The following ATXN7L1 variants were observed in gnomAD, a reference collection of about 807,000 sequenced individuals.
ATXN7L1 encodes ataxin-7-like protein 1.
Under a neutral mutation model 70.8 loss-of-function variants are expected in ATXN7L1, and 15 were observed. The observed-to-expected ratio is 0.21, with a 90% confidence interval of 0.14 to 0.33. The LOEUF is 0.33. ATXN7L1 is among the 10% of genes least tolerant of loss of function. The pLI is 1.00. For synonymous variants in ATXN7L1, 440 were observed against 445.1 expected (o/e 0.99, Z 0.14); for missense variants, 975 against 1,097.1 (o/e 0.89, Z 1.57).
chr7:105,607,870 C>A lies in ATXN7L1; in HGVS notation c.2568G>T (p.Arg856Ser). Reference protein sequence around the residue: ...HSRQNTNRTGRIRTLP With the variant: ...HSRQNTNRTGSIRTLP ...AGTCTTGTTATGGAAGAGTCCTTAT[C>A]CTGCCCGTTCTGTTTGTGTTCTTCT... The change falls in exon 12 of 12, where the codon AGG (arginine) becomes AGT (serine). Residue 856 changes from arginine to serine, a missense_variant. Coordinates refer to ENST00000419735, the MANE Select transcript of ATXN7L1 (RefSeq NM_020725.2). The A allele has an allele frequency of 6.4e-7, 1 of 1,552,026 alleles. No homozygotes were observed. Among genetic ancestry groups the A allele is most frequent in the Non-Finnish European group, 8.7e-7 (1 of 1,147,030 alleles).
At chr7:105,613,547 A>C in intron 10 of ATXN7L1, 1 of 1,277,932 alleles carries the variant, frequency 7.8e-7, no homozygotes, top group Non-Finnish European at 1.0e-6. Flanking sequence ...GGAGTGGGGA[A>C]CTCAGAATCT....
rs543411759 is a variant in ATXN7L1, at chr7:105,731,431, C to G, written c.355+57173G>C. On this transcript the variant is annotated intron_variant, in intron 3 of 11. Transcript: ENST00000419735. ...TACCCTTAACCTACATTACTTCTTA[C>G]TCCTTTTTTTTTTTTTTTTTGAGAT... Among the ~76,000 whole-genome samples, 18 of 144,348 alleles carry G rather than the reference C, an allele frequency of 1.2e-4. No individual in the cohort carries two copies. In the East Asian group the frequency reaches 3.9e-3, roughly 31 times the overall value. The allele number at this position is 144,348 out of a possible 152,430, so 94.7% of individuals were successfully genotyped here.
At chr7:105,723,876 T>C (rs1338008072) in intron 3 of ATXN7L1, among the ~76,000 whole-genome samples, 1 of 152,206 alleles carries the variant, frequency 6.6e-6, no homozygotes, top group Admixed American at 6.5e-5. Context: ...GACACTCTAC[T>C]GGTACTTGAC....
intron 2 of ATXN7L1, among the ~76,000 whole-genome samples, chr7:105,804,881 T>A (rs1468069888): frequency 6.6e-6 from 1 of 152,194 alleles, no homozygotes; most frequent in Non-Finnish European, 1.5e-5. Context: ...CTGCTGGATC[T>A]TAACTCTTAG....
intron 4 of ATXN7L1, among the ~76,000 whole-genome samples, chr7:105,651,314 C>A (rs996249131): frequency 2.0e-5 from 3 of 152,120 alleles, no homozygotes; most frequent in Admixed American, 1.3e-4. Context: ...TAGTAGATAC[C>A]AAGTGCTTAG....
chr7:105,761,166 G>C (rs1800481273), intron 3 of ATXN7L1: 4 of 1,274,844 alleles, frequency 3.1e-6, no homozygotes, highest in Non-Finnish European at 3.0e-6. Flanking sequence ...TGAAAATGAA[G>C]AGAAGAACCC....
At chr7:105,724,750 A>G (rs1161759022) in intron 3 of ATXN7L1, among the ~76,000 whole-genome samples, 2 of 148,710 alleles carry the variant, frequency 1.3e-5, no homozygotes, top group Admixed American at 6.7e-5. Flanking sequence ...ATCACTGTCA[A>G]TCTTCGGCTT....
At chr7:105,830,311 C>G (rs1242113591) in intron 2 of ATXN7L1, among the ~76,000 whole-genome samples, 1 of 152,270 alleles carries the variant, frequency 6.6e-6, no homozygotes, top group Non-Finnish European at 1.5e-5. Context: ...TTAAGATTTT[C>G]TTTGGAAAAT....
chr7:105,797,442 G>A (rs921922159), intron 2 of ATXN7L1, among the ~76,000 whole-genome samples: 1 of 152,202 alleles, frequency 6.6e-6, no homozygotes, highest in South Asian at 2.1e-4. Flanking sequence ...GTATGGAGGC[G>A]AAGGGGCTGC....
intron 3 of ATXN7L1, among the ~76,000 whole-genome samples, chr7:105,766,745 G>A (rs577115918): frequency 1.3e-5 from 2 of 152,314 alleles, no homozygotes; most frequent in African/African-American, 4.8e-5. Context: ...ATCTACCTGT[G>A]ACAGGGACAG....
At chr7:105,760,192 C>T in intron 3 of ATXN7L1, 1 of 984,088 alleles carries the variant, frequency 1.0e-6, no homozygotes, top group Non-Finnish European at 1.2e-6. Flanking sequence ...CAACCATCCA[C>T]CCATCCAATA....
At chr7:105,656,405 C>T (rs1472123321) in intron 4 of ATXN7L1, among the ~76,000 whole-genome samples, 1 of 152,186 alleles carries the variant, frequency 6.6e-6, no homozygotes, top group Non-Finnish European at 1.5e-5. Flanking sequence ...TGACCTCTGG[C>T]TCCCACAGGG....
At chr7:105,844,006 T>C (rs541749301) in intron 2 of ATXN7L1, among the ~76,000 whole-genome samples, 1 of 152,336 alleles carries the variant, frequency 6.6e-6, no homozygotes, top group South Asian at 2.1e-4. Context: ...ATGTCCAAGA[T>C]GGCCCATTCA....
chr7:105,683,998 T>C (rs1374214149), intron 3 of ATXN7L1, among the ~76,000 whole-genome samples: 4 of 152,192 alleles, frequency 2.6e-5, no homozygotes, highest in Admixed American at 2.6e-4. Context: ...GTGCAGTTGC[T>C]CATCCACACT....
At chr7:105,818,408 G>A (rs534627988) in intron 2 of ATXN7L1, among the ~76,000 whole-genome samples, 15 of 152,186 alleles carry the variant, frequency 9.9e-5, no homozygotes, top group African/African-American at 3.4e-4. Flanking sequence ...CTCCCACCTC[G>A]GCCTCCCAAA....
At position 105,689,625 on chromosome 7, in the gene ATXN7L1, T is replaced by A. The variant is rs141462905; in HGVS notation, c.356-24337A>T. Among the ~76,000 whole-genome samples the A allele has an allele frequency of 2.0e-5, 3 of 152,046 alleles. No homozygotes were observed. The East Asian group carries it at 5.8e-4, about 29-fold the overall frequency. Reference sequence around the variant, plus strand: ...ACACCTTACGAAGGTGGGCCGAAAGTCCTCCCGGTCCCAACCAGACATACG... The same window carrying A: ...ACACCTTACGAAGGTGGGCCGAAAGACCTCCCGGTCCCAACCAGACATACG... On this transcript the variant is annotated intron_variant, in intron 3 of 11. Coordinates refer to ENST00000419735, the MANE Select transcript of ATXN7L1 (RefSeq NM_020725.2).
chr7:105,608,846 A>G (rs1339203291), intron 11 of ATXN7L1, among the ~76,000 whole-genome samples: 4 of 152,202 alleles, frequency 2.6e-5, no homozygotes, highest in African/African-American at 7.2e-5. Context: ...TTTGGTGTCT[A>G]CAAAACATGC....
intron 3 of ATXN7L1, among the ~76,000 whole-genome samples, chr7:105,731,104 A>T (rs1269384800): frequency 1.3e-5 from 2 of 152,216 alleles, no homozygotes; most frequent in South Asian, 2.1e-4. Context: ...CAGTAAAAAC[A>T]CAGCTAAAAC....
chr7:105,810,708 G>A (rs1354026698), intron 2 of ATXN7L1, among the ~76,000 whole-genome samples: 1 of 152,248 alleles, frequency 6.6e-6, no homozygotes, highest in African/African-American at 2.4e-5. Context: ...GCGAGCCAGC[G>A]TAGAGGCACT....
Sources: allele counts gnomAD v4.1 joint callset (sites outside exome capture counted in the v4.1 genomes callset), GRCh38; gene constraint gnomAD v4.1.1; transcripts MANE v1.5; gene names NCBI Gene and HGNC (gene_info 2026-07-23, HGNC 2026-07-21).